CPXM2: variants seen among roughly 807,000 people sequenced by gnomAD.
CPXM2 encodes carboxypeptidase X, M14 family member 2, also known as inactive carboxypeptidase-like protein X2.
A neutral mutation model predicts 86.1 loss-of-function variants in CPXM2; 66 were observed. The observed-to-expected ratio is 0.77, with a 90% confidence interval of 0.63 to 0.94. The LOEUF is 0.94. CPXM2 is among the 40% of genes least tolerant of loss of function. The probability of loss-of-function intolerance (pLI) is 0.00; values close to 1 mark genes in which losing one functional copy is unlikely to be tolerated. For missense variants in CPXM2, 948 were observed against 1,026.3 expected (o/e 0.92, Z 1.04); for synonymous variants, 388 against 400.2 (o/e 0.97, Z 0.36).
chr10:123,812,681 G>A (rs553011157), intron 4 of CPXM2, among the ~76,000 whole-genome samples: 3 of 152,294 alleles, frequency 2.0e-5, no homozygotes, highest in South Asian at 2.1e-4. Flanking sequence ...TCAGATCAGC[G>A]GTGGCATTAG....
At chr10:123,805,147 C>T (rs1564777986) in intron 4 of CPXM2, among the ~76,000 whole-genome samples, 1 of 151,988 alleles carries the variant, frequency 6.6e-6, no homozygotes, top group East Asian at 1.9e-4. Flanking sequence ...TAGGTTGTAA[C>T]AGAGTTGTTT....
At chr10:123,878,090 G>A (rs1222925129) in intron 2 of CPXM2, among the ~76,000 whole-genome samples, 1 of 152,066 alleles carries the variant, frequency 6.6e-6, no homozygotes, top group Admixed American at 6.6e-5. Flanking sequence ...CCTGACAGGA[G>A]GATGGACTCA....
Position 123,754,896 on chromosome 10 carries a change from A to G in CPXM2, c.1918-134T>C. The G allele has an allele frequency of 1.5e-6, 1 of 656,364 alleles. No individual in the cohort carries two copies. Among genetic ancestry groups the G allele is most frequent in the East Asian group, 2.5e-5 (1 of 39,780 alleles). The allele number at this position is 656,364 out of a possible 1,614,324, so 40.7% of individuals were successfully genotyped here. A position where few individuals can be genotyped will look rare whatever the true frequency, so the allele number is the denominator to read the frequency against. On this transcript the variant is annotated intron_variant, in intron 12 of 13. Coordinates refer to ENST00000241305, the MANE Select transcript of CPXM2 (RefSeq NM_198148.3). This position sits in a 1 kb window ranked among gnomAD's most constrained non-coding sequence, Gnocchi z 4.0. Reference sequence around the variant, plus strand: ...TCACACAGCACCACGTCTTGCTCAGAAGGCTTGGAACCGAAAAGCAGTTCA... The same window carrying G: ...TCACACAGCACCACGTCTTGCTCAGGAGGCTTGGAACCGAAAAGCAGTTCA...
At chr10:123,936,195 G>A (rs536237753) in intron 2 of CPXM2, among the ~76,000 whole-genome samples, 4 of 104,148 alleles carry the variant, frequency 3.8e-5, no homozygotes, top group African/African-American at 1.1e-4. Context: ...TGTAAGATCA[G>A]CACTATCATC....
chr10:123,873,607 A>T (rs1365791762), intron 2 of CPXM2, among the ~76,000 whole-genome samples: 1 of 152,236 alleles, frequency 6.6e-6, no homozygotes, highest in Non-Finnish European at 1.5e-5. Context: ...CTGCTCTACC[A>T]GATGTCAAGA....
chr10:123,903,112 CA>C (rs1945399637), intron 2 of CPXM2, among the ~76,000 whole-genome samples: 1 of 152,214 alleles, frequency 6.6e-6, no homozygotes, highest in Non-Finnish European at 1.5e-5. Context: ...TCCCTGTTCC[CA>C]GGCTCCCACA....
chr10:123,770,815 G>A, intron 8 of CPXM2, 101 bp downstream of exon 8: 2 of 1,287,464 alleles, frequency 1.6e-6, no homozygotes, highest in Non-Finnish European at 2.1e-6. Flanking sequence ...GACAGCTGAT[G>A]CCCTGTGGCA....
chr10:123,853,714 G>A (rs143255473), intron 3 of CPXM2, among the ~76,000 whole-genome samples: 3,903 of 152,226 alleles, frequency 0.026, 179 homozygotes, highest in African/African-American at 0.087. Context: ...AGACCAGCCC[G>A]GCCAACATGG....
intron 6 of CPXM2, among the ~76,000 whole-genome samples, chr10:123,795,697 T>G (rs1847321638): frequency 6.6e-6 from 1 of 151,612 alleles, no homozygotes; most frequent in Admixed American, 6.6e-5. Flanking sequence ...GCTAAGTAAC[T>G]TCTAGAAAAA....
chr10:123,756,584 C>T (rs1846217597), intron 12 of CPXM2, among the ~76,000 whole-genome samples: 1 of 151,670 alleles, frequency 6.6e-6, no homozygotes, highest in African/African-American at 2.4e-5. Flanking sequence ...CACCCCACCC[C>T]GACCCCCATA....
At chr10:123,911,090 C>T (rs1484736098) in intron 2 of CPXM2, among the ~76,000 whole-genome samples, 1 of 152,210 alleles carries the variant, frequency 6.6e-6, no homozygotes, top group Non-Finnish European at 1.5e-5. Flanking sequence ...TTGATTAAAC[C>T]TGCAAAGACC....
chr10:123,892,783 A>G (rs533467951), upstream of CPXM2, among the ~76,000 whole-genome samples: 17 of 152,298 alleles, frequency 1.1e-4, no homozygotes, highest in African/African-American at 3.9e-4. Flanking sequence ...TCCTTGCGGT[A>G]GTAGGACTGA....
At chr10:123,761,505 G>C (rs764664568) in intron 11 of CPXM2, among the ~76,000 whole-genome samples, 3 of 152,132 alleles carry the variant, frequency 2.0e-5, no homozygotes, top group Non-Finnish European at 4.4e-5. Flanking sequence ...TCTTTTTGTT[G>C]TTGTCCAATA....
intron 2 of CPXM2, chr10:123,913,876 C>G: frequency 2.5e-6 from 1 of 401,880 alleles, no homozygotes; most frequent in East Asian, 7.1e-5. Flanking sequence ...CCTCAGGAGG[C>G]ACCCCCCTCC....
At chr10:123,787,075 C>T (rs924806025) in intron 6 of CPXM2, among the ~76,000 whole-genome samples, 2 of 152,180 alleles carry the variant, frequency 1.3e-5, no homozygotes, top group Non-Finnish European at 2.9e-5. Flanking sequence ...ACTCAGGCCA[C>T]AATCCCTCAG....
intron 13 of CPXM2, among the ~76,000 whole-genome samples, chr10:123,749,208 G>C (rs570523430): frequency 6.6e-6 from 1 of 151,996 alleles, no homozygotes; most frequent in Admixed American, 6.6e-5. Flanking sequence ...CTGGACGTTG[G>C]AGGCCCCTGG....
In CPXM2 at chr10:123,891,735, C is replaced by T; in HGVS notation, c.-76G>A. On this transcript the variant is annotated 5_prime_UTR_variant, in exon 1 of 14. Transcript: ENST00000241305. The surrounding 1 kb of genome is among the most constrained non-coding windows in gnomAD (Gnocchi z 5.6). ...GGCGGGCTGCGGGCGCAGAAGCTGG[C>T]GCGGGGCAAGGGCGCAGGGCACAGC... The T allele has an allele frequency of 5.1e-6, 6 of 1,183,400 alleles. No individual in the cohort carries two copies. The highest frequency in any genetic ancestry group is 4.3e-5 in the Admixed American group (1 of 23,388). The allele number at this position is 1,183,400 out of a possible 1,614,324, so 73.3% of individuals were successfully genotyped here. A position where few individuals can be genotyped will look rare whatever the true frequency, so the allele number is the denominator to read the frequency against.
intron 4 of CPXM2, among the ~76,000 whole-genome samples, chr10:123,800,847 A>G (rs1847441975): frequency 6.6e-6 from 1 of 152,246 alleles, no homozygotes; most frequent in Non-Finnish European, 1.5e-5. Flanking sequence ...TCTATGGCTC[A>G]GAACTATCTT....
intron 3 of CPXM2, among the ~76,000 whole-genome samples, chr10:123,861,813 C>T (rs570836826): frequency 6.6e-6 from 1 of 152,314 alleles, no homozygotes; most frequent in South Asian, 2.1e-4. Flanking sequence ...GACGTCTGTC[C>T]TCCAGAACTG....
Sources: allele counts gnomAD v4.1 joint callset (sites outside exome capture counted in the v4.1 genomes callset), GRCh38; gene constraint gnomAD v4.1.1; non-coding constraint Gnocchi (gnomAD v3.1); transcripts MANE v1.5; gene names NCBI Gene and HGNC (gene_info 2026-07-23, HGNC 2026-07-21).